The following HIPK2 variants were observed in gnomAD, a reference collection of about 807,000 sequenced individuals.
HIPK2 encodes homeodomain interacting protein kinase 2.
In HIPK2, 27 loss-of-function variants were observed where a neutral mutation model predicts 113.7. The ratio of observed to expected loss-of-function variants is 0.24; its 90% confidence interval spans 0.17 to 0.33. The LOEUF is 0.33. Among genes scored for constraint, HIPK2 ranks in the 10% least tolerant of loss-of-function variants. The pLI, the probability that HIPK2 is intolerant of heterozygous loss-of-function variation, is 1.00. For missense variants in HIPK2, 1,257 were observed against 1,588.0 expected (o/e 0.79, Z 3.54); for synonymous variants, 631 against 642.2 (o/e 0.98, Z 0.26).
chr7:139,594,657 C>G (rs970541014), intron 12 of HIPK2, among the ~76,000 whole-genome samples: 2 of 152,152 alleles, frequency 1.3e-5, no homozygotes, highest in Non-Finnish European at 2.9e-5. Flanking sequence ...CTGGGAGCTC[C>G]CAGTCACAAC....
intron 2 of HIPK2, among the ~76,000 whole-genome samples, chr7:139,636,039 A>C (rs1481908814): frequency 1.3e-5 from 2 of 152,026 alleles, no homozygotes; most frequent in African/African-American, 2.4e-5. Flanking sequence ...AGCTTCCTCT[A>C]ATTGGAGTTG....
At chr7:139,672,435 A>G (rs748515601) in intron 2 of HIPK2, among the ~76,000 whole-genome samples, 26 of 152,220 alleles carry the variant, frequency 1.7e-4, no homozygotes, top group Non-Finnish European at 3.2e-4. Flanking sequence ...GTCTTGACTT[A>G]GAACATGAAG....
intron 1 of HIPK2, among the ~76,000 whole-genome samples, chr7:139,753,100 A>G (rs1428746302): frequency 6.6e-6 from 1 of 152,138 alleles, no homozygotes; most frequent in Non-Finnish European, 1.5e-5. Context: ...GTTGTTTTCT[A>G]TTCCATTCTT....
chr7:139,660,305 G>A (rs747986537), intron 2 of HIPK2, among the ~76,000 whole-genome samples: 5 of 152,054 alleles, frequency 3.3e-5, no homozygotes, highest in Non-Finnish European at 7.4e-5. Context: ...TGTTGTTGTT[G>A]TTGTTGTTTT....
intron 2 of HIPK2, among the ~76,000 whole-genome samples, chr7:139,640,921 A>G (rs1800992936): frequency 6.6e-6 from 1 of 152,128 alleles, no homozygotes; most frequent in South Asian, 2.1e-4. Context: ...CAGCTTCCTC[A>G]TTTTTTAAAG....
chr7:139,683,365 G>A lies in HIPK2; in HGVS notation c.1103+32567C>T, dbSNP rs1239843868. Among the ~76,000 whole-genome samples the A allele has an allele frequency of 6.6e-6, 1 of 152,198 alleles. No homozygotes were observed. Among genetic ancestry groups the A allele is most frequent in the African/African-American group, 2.4e-5 (1 of 41,448 alleles). ...CAGCAGCGGCCTAGCCGGGTCTGGTGCAGGGTCCCTCATGAGGCTGCGATC... is the reference window on the plus strand; with the variant it reads ...CAGCAGCGGCCTAGCCGGGTCTGGTACAGGGTCCCTCATGAGGCTGCGATC... On this transcript the variant is annotated intron_variant, in intron 2 of 14. Coordinates refer to ENST00000406875, the MANE Select transcript of HIPK2 (RefSeq NM_022740.5). The surrounding 1 kb of genome is among the most constrained non-coding windows in gnomAD (Gnocchi z 4.2).
At chr7:139,576,598 C>CAG (rs1798500001) in intron 13 of HIPK2, among the ~76,000 whole-genome samples, 1 of 152,210 alleles carries the variant, frequency 6.6e-6, no homozygotes. Context: ...TGAGCTCCTG[C>CAG]CCTGTGCTAA....
At chr7:139,637,111 T>C (rs1391926248) in intron 2 of HIPK2, among the ~76,000 whole-genome samples, 1 of 151,738 alleles carries the variant, frequency 6.6e-6, no homozygotes, top group East Asian at 1.9e-4. Context: ...AGTCAGCCCC[T>C]GATTCTCCAT....
intron 1 of HIPK2, among the ~76,000 whole-genome samples, chr7:139,773,456 G>C (rs1796687333): frequency 6.6e-6 from 1 of 152,106 alleles, no homozygotes; most frequent in African/African-American, 2.4e-5. Flanking sequence ...CCAACCCAAA[G>C]TCCTTGAATT....
intron 2 of HIPK2, among the ~76,000 whole-genome samples, chr7:139,636,977 T>C (rs991803346): frequency 6.6e-6 from 1 of 152,192 alleles, no homozygotes; most frequent in Non-Finnish European, 1.5e-5. Flanking sequence ...TTCCTTCCAC[T>C]GTCCTCCTCA....
intron 2 of HIPK2, among the ~76,000 whole-genome samples, chr7:139,668,172 G>C (rs1802123619): frequency 6.7e-6 from 1 of 149,742 alleles, no homozygotes; most frequent in African/African-American, 2.5e-5. Flanking sequence ...ACCTGCATAT[G>C]ATATGCAACT....
intron 2 of HIPK2, among the ~76,000 whole-genome samples, chr7:139,687,016 T>C (rs950210335): frequency 6.6e-6 from 1 of 152,240 alleles, no homozygotes; most frequent in Admixed American, 6.5e-5. Context: ...GACATCGAGG[T>C]AAGACCCTCC....
At chr7:139,764,278 C>G (rs920238212) in intron 1 of HIPK2, among the ~76,000 whole-genome samples, 7 of 152,166 alleles carry the variant, frequency 4.6e-5, no homozygotes, top group Non-Finnish European at 1.0e-4. Context: ...GAAATATGAC[C>G]AGAGGCTCAC....
At position 139,566,724 on chromosome 7, in the gene HIPK2, C is replaced by G. The variant is rs1291400784; in HGVS notation, c.*6203G>C. On this transcript the variant is annotated 3_prime_UTR_variant, in exon 15 of 15. Coordinates refer to ENST00000406875, the MANE Select transcript of HIPK2 (RefSeq NM_022740.5). The surrounding 1 kb of genome is among the most constrained non-coding windows in gnomAD (Gnocchi z 4.1). ...GAGACAACGCTCATAAAGGCCTTAG[C>G]CCGGGAGTCATGAAAGCATTCAACA... 6.6e-6 allele frequency: 1 copy of G among 152,166 alleles called. No individual in the cohort carries two copies. The highest frequency in any genetic ancestry group is 1.5e-5 in the Non-Finnish European group (1 of 68,034). 9.4% of individuals were successfully genotyped at this position (152,166 alleles called of 1,614,324 possible).
At chr7:139,743,855 G>C (rs1221526632) in intron 1 of HIPK2, among the ~76,000 whole-genome samples, 1 of 152,158 alleles carries the variant, frequency 6.6e-6, no homozygotes, top group African/African-American at 2.4e-5. Flanking sequence ...CCTGGAATGA[G>C]GAACTAACAT....
rs528387753 is a variant in HIPK2, at chr7:139,650,784, G to A, written c.1104-19059C>T. Among the ~76,000 whole-genome samples the A allele has an allele frequency of 9.8e-5, 15 of 152,354 alleles. 1 individual carries two copies. The highest frequency in any genetic ancestry group is 1.5e-4 in the Non-Finnish European group (10 of 68,040). On this transcript the variant is annotated intron_variant, in intron 2 of 14. Coordinates refer to ENST00000406875, the MANE Select transcript of HIPK2 (RefSeq NM_022740.5). ...AATGGCCCTGTGGAGAGATCCACGT[G>A]GATGGAACCCAGGCCTCTGGCCAAC...
At chr7:139,671,138 A>G (rs1585358609) in intron 2 of HIPK2, among the ~76,000 whole-genome samples, 2 of 152,258 alleles carry the variant, frequency 1.3e-5, no homozygotes, top group African/African-American at 4.8e-5. Context: ...TTAAAACTCC[A>G]CAACTGGAAA....
intron 9 of HIPK2, 52 bp from the exon 10 acceptor site, chr7:139,604,275 A>G: frequency 6.4e-7 from 1 of 1,560,336 alleles, no homozygotes; most frequent in East Asian, 2.3e-5. Flanking sequence ...CACATAATTG[A>G]TTTGCATGAA....
chr7:139,665,857 T>C (rs1802031240), intron 2 of HIPK2, among the ~76,000 whole-genome samples: 1 of 152,212 alleles, frequency 6.6e-6, no homozygotes, highest in Non-Finnish European at 1.5e-5. Context: ...ATGTGACTTG[T>C]TCATGTTGAG....
Sources: allele counts gnomAD v4.1 joint callset (sites outside exome capture counted in the v4.1 genomes callset), GRCh38; gene constraint gnomAD v4.1.1; non-coding constraint Gnocchi (gnomAD v3.1); transcripts MANE v1.5; gene names NCBI Gene and HGNC (gene_info 2026-07-23, HGNC 2026-07-21).